Variants in NHEJ1 observed in about 807,000 individuals in gnomAD.
The protein encoded by NHEJ1 is non-homologous end joining factor 1.
Under a neutral mutation model 39.4 loss-of-function variants are expected in NHEJ1, and 22 were observed. The observed-to-expected ratio is 0.56, with a 90% confidence interval of 0.40 to 0.80. The LOEUF (loss-of-function observed/expected upper bound fraction) is 0.80. Ranked by LOEUF, NHEJ1 falls within the 30% of genes least tolerant of loss-of-function variation. The probability of loss-of-function intolerance (pLI) is 0.00; values close to 1 mark genes in which losing one functional copy is unlikely to be tolerated. For synonymous variants in NHEJ1, 154 were observed against 135.6 expected (o/e 1.14, Z -0.94); for missense variants, 329 against 357.1 (o/e 0.92, Z 0.63).
intron 5 of NHEJ1, among the ~76,000 whole-genome samples, chr2:219,101,845 C>T (rs962588017): frequency 6.6e-6 from 1 of 152,094 alleles, no homozygotes; most frequent in Admixed American, 6.5e-5. Flanking sequence ...CCTGCCTCAG[C>T]CTCCCAAGTA....
intron 5 of NHEJ1, among the ~76,000 whole-genome samples, chr2:219,090,655 A>G (rs148340933): frequency 0.021 from 3,196 of 152,288 alleles, 43 homozygotes; most frequent in Middle Eastern, 0.044. Flanking sequence ...GCCTTACTAA[A>G]CAAAGCTGGA....
intron 5 of NHEJ1, among the ~76,000 whole-genome samples, chr2:219,103,604 C>T (rs958543127): frequency 6.6e-6 from 1 of 152,114 alleles, no homozygotes; most frequent in African/African-American, 2.4e-5. Flanking sequence ...AAAATGACTG[C>T]TAAATGGAAA....
intron 5 of NHEJ1, among the ~76,000 whole-genome samples, chr2:219,080,660 T>G (rs1232926782): frequency 2.0e-5 from 2 of 100,462 alleles, no homozygotes; most frequent in Non-Finnish European, 3.9e-5. Flanking sequence ...TGCTAATATA[T>G]ATAAGCTTTT....
At chr2:219,092,954 C>T (rs969356893) in intron 5 of NHEJ1, among the ~76,000 whole-genome samples, 6 of 152,156 alleles carry the variant, frequency 3.9e-5, no homozygotes, top group African/African-American at 1.4e-4. Context: ...CAGTAAAACC[C>T]GTTTTTACTT....
At chr2:219,158,390 A>C (rs1319192511) in intron 1 of NHEJ1, 28 bp from the exon 2 acceptor site, 1 of 1,612,170 alleles carries the variant, frequency 6.2e-7, no homozygotes, top group Non-Finnish European at 8.5e-7. Context: ...TTTAGTAAAG[A>C]GCCTCAGGGT....
At chr2:219,079,195 C>T (rs1004495664) in intron 5 of NHEJ1, among the ~76,000 whole-genome samples, 2 of 152,100 alleles carry the variant, frequency 1.3e-5, no homozygotes, top group African/African-American at 4.8e-5. Flanking sequence ...TCTAGTGGTC[C>T]CAAACCTGGC....
chr2:219,128,036 A>C (rs1026776375), intron 5 of NHEJ1, among the ~76,000 whole-genome samples: 2 of 152,200 alleles, frequency 1.3e-5, no homozygotes, highest in African/African-American at 4.8e-5. Flanking sequence ...CCCACTGAAC[A>C]GGTTTAGAGC....
At position 219,076,919 on chromosome 2, in the gene NHEJ1, T is replaced by C. The variant is rs116535350; in HGVS notation, c.825+327A>G. 3.5e-3 allele frequency among the ~76,000 whole-genome samples: 528 copies of C among 152,226 alleles called. 6 individuals carry two copies. The highest frequency in any genetic ancestry group is 0.012 in the African/African-American group (505 of 41,524). On this transcript the variant is annotated intron_variant, in intron 7 of 7. Transcript: ENST00000356853. ...AGACAGCAAATGCGATATAAGACCCTAAGCAGGAGATGTAGATTCCCTTCT... is the reference window on the plus strand; with the variant it reads ...AGACAGCAAATGCGATATAAGACCCCAAGCAGGAGATGTAGATTCCCTTCT...
intron 5 of NHEJ1, among the ~76,000 whole-genome samples, chr2:219,102,088 C>G (rs971723026): frequency 4.6e-5 from 7 of 152,182 alleles, no homozygotes; most frequent in Non-Finnish European, 8.8e-5. Context: ...AGTCATATTT[C>G]CATAATGATG....
intron 5 of NHEJ1, among the ~76,000 whole-genome samples, chr2:219,134,726 T>C (rs1420129696): frequency 6.6e-6 from 1 of 152,166 alleles, no homozygotes; most frequent in African/African-American, 2.4e-5. Flanking sequence ...TTCTCACTTG[T>C]ACGTCCCATA....
chr2:219,112,559 C>A (rs1341335251), intron 5 of NHEJ1, among the ~76,000 whole-genome samples: 1 of 152,150 alleles, frequency 6.6e-6, no homozygotes, highest in Non-Finnish European at 1.5e-5. Flanking sequence ...TAGGGGCACA[C>A]ACCTAGACCC....
rs1574698365 is a variant in NHEJ1, at chr2:219,078,148, T to C, written c.647A>G (p.Asp216Gly). 2 of 1,614,218 alleles carry C rather than the reference T, an allele frequency of 1.2e-6. No homozygotes were observed. Among genetic ancestry groups the C allele is most frequent in the Non-Finnish European group, 1.7e-6 (2 of 1,180,034 alleles). ...TTGTGTGGTGACTGCCATATACAGA[T>C]CCTGCAGATTCATGACAAAGGGCTT... The part of the protein sequence containing the change: ...DGKPFVMNLQ[D>G]LYMAVTTQEV... The change falls in exon 6 of 8, where the codon GAT becomes GGT. Residue 216 changes from aspartate (D) to glycine (G), a missense_variant. Physicochemically the swap from Asp to Gly is moderately conservative, Grantham distance 94. Coordinates refer to ENST00000356853, the MANE Select transcript of NHEJ1 (RefSeq NM_024782.3).
chr2:219,118,769 T>C (rs891537954), intron 5 of NHEJ1, among the ~76,000 whole-genome samples: 3 of 151,892 alleles, frequency 2.0e-5, no homozygotes, highest in Admixed American at 6.5e-5. Flanking sequence ...AGGAACAAGC[T>C]GAAGGAATGA....
Position 219,070,238 on chromosome 2 carries a change from G to A in NHEJ1, c.*6143C>T, listed in dbSNP as rs1170923764. On this transcript the variant is annotated 3_prime_UTR_variant, in exon 8 of 8. Coordinates refer to ENST00000356853, the MANE Select transcript of NHEJ1 (RefSeq NM_024782.3). ...GTCTTGCTCTGTCGCCCAGGGTGGA[G>A]TGCAGTGGCACGATCTCAGCTCACT... 6.6e-6 allele frequency among the ~76,000 whole-genome samples: 1 copy of A among 152,094 alleles called. No individual in the cohort carries two copies. Among genetic ancestry groups the A allele is most frequent in the East Asian group, 1.9e-4 (1 of 5,190 alleles).
chr2:219,160,591 G>GCCTGCCCTGGACC (rs1384318567), intron 1 of NHEJ1, 129 bp downstream of exon 1: 8 of 151,130 alleles, frequency 5.3e-5, no homozygotes, highest in Admixed American at 3.3e-4. Flanking sequence ...TCCCCCGGAG[G>GCCTGCCCTGGACC]CCTGCCCTGG....
chr2:219,093,260 G>A (rs1949178013), intron 5 of NHEJ1, among the ~76,000 whole-genome samples: 1 of 152,130 alleles, frequency 6.6e-6, no homozygotes, highest in East Asian at 1.9e-4. Context: ...GGCAGGCAGG[G>A]CGACTAATCA....
intron 5 of NHEJ1, among the ~76,000 whole-genome samples, chr2:219,136,730 G>C (rs1949633636): frequency 6.6e-6 from 1 of 151,770 alleles, no homozygotes; most frequent in South Asian, 2.1e-4. Context: ...AGCCTCCTGA[G>C]TAGCTGGGAT....
chr2:219,121,473 C>T (rs1454396311), intron 5 of NHEJ1, among the ~76,000 whole-genome samples: 2 of 151,950 alleles, frequency 1.3e-5, no homozygotes, highest in East Asian at 1.9e-4. Flanking sequence ...ATCCTATGTC[C>T]ACCTCTTTTA....
In NHEJ1 at chr2:219,157,465, C is replaced by T; in HGVS notation, c.390+7G>A. ...CTCCCCCAACCCCACATTCGAATTA[C>T]ACTTACCAGGGAAGGACTAGCTAGC... On this transcript the variant is annotated splice_region_variant and intron_variant, in intron 3 of 7. Transcript: ENST00000356853. The T allele has an allele frequency of 1.9e-6, 3 of 1,612,614 alleles. No individual in the cohort carries two copies. The highest frequency in any genetic ancestry group is 2.5e-6 in the Non-Finnish European group (3 of 1,179,344).
Sources: gnomAD v4.1 joint callset for allele counts (sites outside exome capture counted in the v4.1 genomes callset) on GRCh38, gnomAD v4.1.1 for gene constraint, MANE v1.5 for transcripts, NCBI Gene and HGNC (gene_info 2026-07-23, HGNC 2026-07-21) for gene names.